Variants in GALNT17 observed in about 807,000 individuals in gnomAD.
GALNT17 encodes the protein polypeptide N-acetylgalactosaminyltransferase 17.
A neutral mutation model predicts 63.7 loss-of-function variants in GALNT17; 29 were observed. That is an observed-to-expected ratio of 0.46 (90% confidence interval 0.34 to 0.62). GALNT17 has a LOEUF of 0.62. Among genes scored for constraint, GALNT17 ranks in the 20% least tolerant of loss-of-function variants. The probability of loss-of-function intolerance (pLI) is 0.01; values close to 1 mark genes in which losing one functional copy is unlikely to be tolerated. For synonymous variants in GALNT17, 305 were observed against 318.3 expected (o/e 0.96, Z 0.45); for missense variants, 603 against 799.6 (o/e 0.75, Z 2.97).
At chr7:71,400,676 A>G (rs1793223264) in intron 3 of GALNT17, among the ~76,000 whole-genome samples, 1 of 152,366 alleles carries the variant, frequency 6.6e-6, no homozygotes. Context: ...ACTCTGTCCC[A>G]AAGTATGGTT....
intron 5 of GALNT17, among the ~76,000 whole-genome samples, chr7:71,454,134 G>T (rs890593209): frequency 6.6e-6 from 1 of 152,178 alleles, no homozygotes; most frequent in Non-Finnish European, 1.5e-5. Flanking sequence ...GGGTACATGT[G>T]CAGGTTTGTT....
At chr7:71,555,959 A>G (rs1274022848) in intron 5 of GALNT17, among the ~76,000 whole-genome samples, 9 of 152,252 alleles carry the variant, frequency 5.9e-5, no homozygotes, top group Admixed American at 5.9e-4. Flanking sequence ...GTCACAACAG[A>G]AAATTAACAT....
intron 6 of GALNT17, among the ~76,000 whole-genome samples, chr7:71,601,123 C>CAT (rs1298576777): frequency 6.6e-6 from 1 of 151,684 alleles, no homozygotes; most frequent in African/African-American, 2.4e-5. Context: ...AGTATTCCAT[C>CAT]ATATATATAT....
intron 1 of GALNT17, among the ~76,000 whole-genome samples, chr7:71,303,556 C>T (rs1791238087): frequency 6.6e-6 from 1 of 152,078 alleles, no homozygotes; most frequent in Admixed American, 6.6e-5. Flanking sequence ...AATTCATGGT[C>T]AAATACAACA....
At chr7:71,230,924 C>G (rs1346212421) in intron 1 of GALNT17, among the ~76,000 whole-genome samples, 1 of 152,130 alleles carries the variant, frequency 6.6e-6, no homozygotes, top group African/African-American at 2.4e-5. Flanking sequence ...CCACCGCAGA[C>G]TCATTGAATC....
chr7:71,206,607 C>T (rs1789276193), intron 1 of GALNT17, among the ~76,000 whole-genome samples: 1 of 152,060 alleles, frequency 6.6e-6, no homozygotes, highest in Admixed American at 6.6e-5. Flanking sequence ...CAGGCTTTTC[C>T]CAATATGATT....
chr7:71,343,118 C>G (rs1246988999), intron 2 of GALNT17, among the ~76,000 whole-genome samples: 3 of 152,204 alleles, frequency 2.0e-5, no homozygotes, highest in Non-Finnish European at 4.4e-5. Flanking sequence ...AACCTCTCTT[C>G]ATTGCAAACT....
intron 6 of GALNT17, among the ~76,000 whole-genome samples, chr7:71,583,705 A>T (rs989166181): frequency 6.6e-6 from 1 of 151,818 alleles, no homozygotes; most frequent in African/African-American, 2.4e-5. Context: ...AAGCTATAAC[A>T]TGCACATGCA....
intron 1 of GALNT17, among the ~76,000 whole-genome samples, chr7:71,207,639 C>T (rs2116384120): frequency 6.6e-6 from 1 of 152,210 alleles, no homozygotes; most frequent in Middle Eastern, 3.4e-3. Flanking sequence ...GGAGGCAAAA[C>T]ACAACATTCC....
In GALNT17 at chr7:71,413,155, G is replaced by T. The variant is rs372559952; in HGVS notation, c.590-2734G>T. The stretch of plus-strand genomic sequence containing the variant: ...CTAAGTAGATCCAATTTTTCACTTA[G>T]GTGTTTTTTGGTGTGGTATTTTAGA... On this transcript the variant is annotated intron_variant, in intron 3 of 10. Transcript: ENST00000333538. Among the ~76,000 whole-genome samples, 6 of 151,234 alleles carry T rather than the reference G, an allele frequency of 4.0e-5. No homozygotes were observed. In the East Asian group the frequency reaches 9.6e-4, roughly 24 times the overall value.
chr7:71,148,258 C>G (rs1284542318), intron 1 of GALNT17, among the ~76,000 whole-genome samples: 6 of 152,214 alleles, frequency 3.9e-5, no homozygotes, highest in African/African-American at 1.4e-4. Flanking sequence ...GCTCATGTCA[C>G]TATATTTCTT....
chr7:71,262,025 G>T (rs1172309515), intron 1 of GALNT17, among the ~76,000 whole-genome samples: 1 of 152,142 alleles, frequency 6.6e-6, no homozygotes, highest in Non-Finnish European at 1.5e-5. Context: ...CACCTAGGAG[G>T]CTGTGTTTCT....
chr7:71,533,256 G>A (rs1788750330), intron 5 of GALNT17, among the ~76,000 whole-genome samples: 1 of 152,148 alleles, frequency 6.6e-6, no homozygotes, highest in Non-Finnish European at 1.5e-5. Context: ...AAACAAACAT[G>A]ATGTATAATA....
rs574548375 is a variant in GALNT17, at chr7:71,266,634, C to T, written c.239-68916C>T. ...ATTGGACTAATACATCTGCAAAGCCCCATTTGCCATATTGGGTAACATTCA... is the reference window on the plus strand; with the variant it reads ...ATTGGACTAATACATCTGCAAAGCCTCATTTGCCATATTGGGTAACATTCA... On this transcript the variant is annotated intron_variant, in intron 1 of 10. Transcript: ENST00000333538. Among the ~76,000 whole-genome samples, 46 of 152,232 alleles carry T rather than the reference C, an allele frequency of 3.0e-4. 2 individuals carry two copies. The South Asian group carries it at 8.7e-3, about 29-fold the overall frequency.
At position 71,165,577 on chromosome 7, in the gene GALNT17, A is replaced by G. The variant is rs975757432; in HGVS notation, c.238+32537A>G. ...AATAGCACCGGAAAGATCTGCCCCC[A>G]TGATTCAGTTATCTCCCACCGGGTC... On this transcript the variant is annotated intron_variant, in intron 1 of 10. Transcript: ENST00000333538. Among the ~76,000 whole-genome samples, 7 of 152,098 alleles carry G rather than the reference A, an allele frequency of 4.6e-5. No homozygotes were observed. In the East Asian group the frequency reaches 1.4e-3, roughly 29 times the overall value.
At chr7:71,537,861 A>G (rs541487715) in intron 5 of GALNT17, among the ~76,000 whole-genome samples, 3 of 152,270 alleles carry the variant, frequency 2.0e-5, no homozygotes, top group Non-Finnish European at 4.4e-5. Context: ...AGACACAGAG[A>G]CAGAGGAGAA....
intron 1 of GALNT17, among the ~76,000 whole-genome samples, chr7:71,256,096 T>G (rs764103817): frequency 6.6e-6 from 1 of 152,206 alleles, no homozygotes; most frequent in Non-Finnish European, 1.5e-5. Flanking sequence ...CCACAACTCC[T>G]TATCACAACC....
At chr7:71,330,825 G>C (rs1791795358) in intron 1 of GALNT17, among the ~76,000 whole-genome samples, 1 of 152,150 alleles carries the variant, frequency 6.6e-6, no homozygotes, top group Non-Finnish European at 1.5e-5. Flanking sequence ...AGTTTCGCCG[G>C]ATGCAATTCC....
At chr7:71,679,912 CCTTCTCTCCCTTCCT>C (rs1791215660) in intron 9 of GALNT17, among the ~76,000 whole-genome samples, 1 of 58,758 alleles carries the variant, frequency 1.7e-5, no homozygotes, top group Admixed American at 1.7e-4. Context: ...CTCCCTCCCT[CCTTCTCTCCCTTCCT>C]CCTCCCTCTC....
Sources: allele counts gnomAD v4.1 joint callset (sites outside exome capture counted in the v4.1 genomes callset), GRCh38; gene constraint gnomAD v4.1.1; transcripts MANE v1.5; gene names NCBI Gene and HGNC (gene_info 2026-07-23, HGNC 2026-07-21).